The following CRLS1 variants were observed in gnomAD, a reference collection of about 807,000 sequenced individuals.
CRLS1 encodes the protein cardiolipin synthase (CMP-forming).
A neutral mutation model predicts 37.0 loss-of-function variants in CRLS1; 24 were observed. The observed-to-expected ratio is 0.65, with a 90% CI of 0.47 to 0.91. The LOEUF is 0.91. CRLS1 is among the 40% of genes least tolerant of loss of function. CRLS1 has a pLI of 0.00. For missense variants in CRLS1, 373 were observed against 395.8 expected (o/e 0.94, Z 0.49); for synonymous variants, 135 against 159.7 (o/e 0.85, Z 1.17).
intron 3 of CRLS1, chr20:6,028,617 T>A (rs575881982): frequency 5.1e-4 from 77 of 152,350 alleles, no homozygotes; most frequent in African/African-American, 1.8e-3. Context: ...CCTTTAATGC[T>A]AATAAAACTT....
upstream of CRLS1, chr20:6,005,985 C>T: frequency 6.3e-6 from 2 of 318,130 alleles, no homozygotes; most frequent in Non-Finnish European, 1.1e-5. Context: ...ACCCACTGAG[C>T]CTGATGCGCG....
intron 3 of CRLS1, among the ~76,000 whole-genome samples, chr20:6,024,266 G>A (rs538550055): frequency 3.9e-5 from 6 of 152,208 alleles, no homozygotes; most frequent in South Asian, 2.1e-4. Context: ...TCTGTGTCAC[G>A]TTATAATAAT....
At chr20:6,026,000 A>G (rs1053347175) in intron 3 of CRLS1, among the ~76,000 whole-genome samples, 1 of 152,196 alleles carries the variant, frequency 6.6e-6, no homozygotes, top group African/African-American at 2.4e-5. Context: ...AAAATATAAC[A>G]CAGACTTAGT....
At chr20:6,008,123 A>AGAATTTTAAAAGAATCTTCAGAAATG (rs3834730) in intron 1 of CRLS1, among the ~76,000 whole-genome samples, 2 of 144,588 alleles carry the variant, frequency 1.4e-5, no homozygotes, top group Non-Finnish European at 3.0e-5. Flanking sequence ...GATAGTTCAT[A>AGAATTTTAAAAGAATCTTCAGAAATG]GAATTTTAAA....
chr20:6,006,512 C>T lies in CRLS1; in HGVS notation c.266C>T (p.Ala89Val), dbSNP rs747032801. 6.7e-6 allele frequency: 9 copies of T among 1,336,022 alleles called. No individual in the cohort carries two copies. Among genetic ancestry groups the T allele is most frequent in the East Asian group, 3.1e-5 (1 of 31,936 alleles). The allele number at this position is 1,336,022 out of a possible 1,614,324, so 82.8% of individuals were successfully genotyped here. A position where few individuals can be genotyped will look rare whatever the true frequency, so the allele number is the denominator to read the frequency against. ...PAAGAGAAAE[A>V]PGGQWGPAST... ...GCCGGAGCGGGCGCCGCTGCCGAAG[C>T]CCCGGGCGGCCAGTGGGGCCCGGCG... The change falls in exon 1 of 7, where the codon GCC becomes GTC. Residue 89 changes from alanine (A) to valine (V), a missense_variant. Ala to Val is a moderately conservative substitution (Grantham distance 64, BLOSUM62 0). Coordinates refer to ENST00000378863, the MANE Select transcript of CRLS1 (RefSeq NM_019095.6).
chr20:6,006,194 C>A lies in CRLS1; in HGVS notation c.-53C>A. Reference sequence around the variant, plus strand: ...CCATGGAGAAGCGGCTCGCCAGTGTCCCAGGCTGCTGAGCTCTCGCCGCCC... The same window carrying A: ...CCATGGAGAAGCGGCTCGCCAGTGTACCAGGCTGCTGAGCTCTCGCCGCCC... On this transcript the variant is annotated 5_prime_UTR_variant, in exon 1 of 7. Transcript: ENST00000378863. The A allele has an allele frequency of 9.2e-7, 1 of 1,085,264 alleles. No homozygotes were observed. Among genetic ancestry groups the A allele is most frequent in the South Asian group, 4.6e-5 (1 of 21,676 alleles). 67.2% of individuals were successfully genotyped at this position (1,085,264 alleles called of 1,614,324 possible). A position where few individuals can be genotyped will look rare whatever the true frequency, so the allele number is the denominator to read the frequency against.
At position 6,031,471 on chromosome 20, in the gene CRLS1, C is replaced by T. The variant is rs560123158; in HGVS notation, c.660+101C>T. On this transcript the variant is annotated intron_variant, in intron 4 of 6. Transcript: ENST00000378863. The stretch of plus-strand genomic sequence containing the variant: ...GTCAACATCTTTTCAATTGATGGCA[C>T]GTGAAACCCAGACTAGCCAGCCCCT... 495 of 804,078 alleles carry T rather than the reference C, an allele frequency of 6.2e-4. 2 individuals carry two copies. The African/African-American group carries it at 7.5e-3, about 12-fold the overall frequency. 49.8% of individuals were successfully genotyped at this position (804,078 alleles called of 1,614,324 possible). A position where few individuals can be genotyped will look rare whatever the true frequency, so the allele number is the denominator to read the frequency against.
intron 1 of CRLS1, chr20:6,007,388 G>T: frequency 6.2e-7 from 1 of 1,613,688 alleles, no homozygotes; most frequent in Non-Finnish European, 8.5e-7. Flanking sequence ...CAGAACGGCA[G>T]TAGTTGGTCG....
chr20:6,035,866 C>T (rs1980510072), intron 6 of CRLS1, among the ~76,000 whole-genome samples: 1 of 150,610 alleles, frequency 6.6e-6, no homozygotes, highest in South Asian at 2.1e-4. Context: ...GTGCAATGGC[C>T]TGATCTCAGC....
At chr20:6,024,316 A>G (rs937328723) in intron 3 of CRLS1, among the ~76,000 whole-genome samples, 1 of 152,158 alleles carries the variant, frequency 6.6e-6, no homozygotes, top group Non-Finnish European at 1.5e-5. Context: ...TAAATCTGTT[A>G]TGGTGATCTG....
In CRLS1 at chr20:6,038,939, T is replaced by G. The variant is rs1383669029; in HGVS notation, c.*1781T>G. Reference sequence around the variant, plus strand: ...TCTCCTCAGGCTTTTGGATACTGAATTGTTATAAAACACATCAATTCTGCC... The same window carrying G: ...TCTCCTCAGGCTTTTGGATACTGAAGTGTTATAAAACACATCAATTCTGCC... On this transcript the variant is annotated 3_prime_UTR_variant, in exon 7 of 7. Coordinates refer to ENST00000378863, the MANE Select transcript of CRLS1 (RefSeq NM_019095.6). 1 of 152,236 alleles carries G rather than the reference T, an allele frequency of 6.6e-6. No homozygotes were observed. The highest frequency in any genetic ancestry group is 1.9e-4 in the East Asian group (1 of 5,202). The allele number at this position is 152,236 out of a possible 1,614,324, so 9.4% of individuals were successfully genotyped here.
At chr20:6,021,952 A>G (rs1036968750) in intron 3 of CRLS1, among the ~76,000 whole-genome samples, 2 of 152,184 alleles carry the variant, frequency 1.3e-5, no homozygotes, top group African/African-American at 4.8e-5. Context: ...TTGAACTCCA[A>G]TTATTTCTCT....
chr20:6,006,664 T>C (rs1480006903), intron 1 of CRLS1, 112 bp downstream of exon 1: 2 of 1,210,294 alleles, frequency 1.7e-6, no homozygotes, highest in East Asian at 3.4e-5. Flanking sequence ...TCCTAACTTT[T>C]AGACTCTTCC....
At chr20:6,017,691 A>G (rs1400318253) in intron 3 of CRLS1, among the ~76,000 whole-genome samples, 4 of 152,218 alleles carry the variant, frequency 2.6e-5, no homozygotes, top group African/African-American at 9.6e-5. Flanking sequence ...GCAATTTTCC[A>G]GAGAAAAATC....
Position 6,038,728 on chromosome 20 carries a change from A to G in CRLS1, c.*1570A>G, listed in dbSNP as rs138240947. 28 of 152,350 alleles carry G rather than the reference A, an allele frequency of 1.8e-4. No individual in the cohort carries two copies. Among genetic ancestry groups the G allele is most frequent in the African/African-American group, 6.7e-4 (28 of 41,570 alleles). 9.4% of individuals were successfully genotyped at this position (152,350 alleles called of 1,614,324 possible). On this transcript the variant is annotated 3_prime_UTR_variant, in exon 7 of 7. Coordinates refer to ENST00000378863, the MANE Select transcript of CRLS1 (RefSeq NM_019095.6). ...CACATAAGAATAATGTTTAAAAAAG[A>G]GAGGACTTGAAGTAGCTATGCGAAA...
At chr20:6,026,064 C>T (rs1979663720) in intron 3 of CRLS1, 1 of 152,196 alleles carries the variant, frequency 6.6e-6, no homozygotes, top group South Asian at 2.1e-4. Flanking sequence ...GAAGGAAGTT[C>T]TTCTGTGGGT....
intron 3 of CRLS1, among the ~76,000 whole-genome samples, chr20:6,020,645 C>T (rs1372413110): frequency 4.0e-5 from 6 of 149,448 alleles, no homozygotes; most frequent in South Asian, 2.1e-4. Flanking sequence ...TTTTTTGAGA[C>T]GGAGTCTTGC....
chr20:6,030,121 GC>G lies in CRLS1; in HGVS notation c.575-1163del, dbSNP rs113943800. Reference sequence around the variant, plus strand: ...GTTGGAACCGAGTGTTTGAACTCAGGCTTTTTTTTTTCCCCCCTTTTTAAAA... The same window carrying G: ...GTTGGAACCGAGTGTTTGAACTCAGGTTTTTTTTTTCCCCCCTTTTTAAAA... On this transcript the variant is annotated intron_variant, in intron 3 of 6. Coordinates refer to ENST00000378863, the MANE Select transcript of CRLS1 (RefSeq NM_019095.6). Among the ~76,000 whole-genome samples the G allele has an allele frequency of 5.2e-3, 743 of 143,656 alleles. 6 individuals are homozygous for G. The highest frequency in any genetic ancestry group is 0.013 in the African/African-American group (518 of 39,378). 94.2% of individuals were successfully genotyped at this position (143,656 alleles called of 152,430 possible). A position where few individuals can be genotyped will look rare whatever the true frequency, so the allele number is the denominator to read the frequency against.
intron 5 of CRLS1, 51 bp downstream of exon 5, chr20:6,032,131 T>C (rs137912791): frequency 2.1e-5 from 29 of 1,384,296 alleles, no homozygotes; most frequent in Non-Finnish European, 3.0e-5. Context: ...ATTTTTATTA[T>C]ACAGGATATA....
Sources: allele counts gnomAD v4.1 joint callset (sites outside exome capture counted in the v4.1 genomes callset), GRCh38; gene constraint gnomAD v4.1.1; transcripts MANE v1.5; gene names NCBI Gene and HGNC (gene_info 2026-07-23, HGNC 2026-07-21).